CFH: variants seen among roughly 807,000 people sequenced by gnomAD.
CFH encodes complement factor H.
In CFH, 53 loss-of-function variants were observed where a neutral mutation model predicts 147.3. The ratio of observed to expected loss-of-function variants is 0.36; its 90% CI spans 0.29 to 0.45. The LOEUF (loss-of-function observed/expected upper bound fraction) is 0.45, where lower values mean the gene tolerates loss of function less well. Ranked by LOEUF, CFH falls within the 20% of genes least tolerant of loss-of-function variation. CFH has a pLI of 1.00. For missense variants in CFH, 1,380 were observed against 1,498.0 expected (o/e 0.92, Z 1.30); for synonymous variants, 536 against 489.4 (o/e 1.10, Z -1.26).
Position 196,677,517 on chromosome 1 carries a change from A to T in CFH, c.469A>T (p.Ile157Phe). The T allele has an allele frequency of 6.2e-7, 1 of 1,613,206 alleles. No homozygotes were observed. The change falls in exon 5 of 22, where the codon ATT (isoleucine) becomes TTT (phenylalanine). Residue 157 changes from isoleucine to phenylalanine, a missense_variant. Ile to Phe is a conservative substitution (Grantham distance 21). Around this residue, in one of 4 missense-constraint regions of CFH, gnomAD observed 260 missense variants for 263.3 expected, o/e 0.99. Coordinates refer to ENST00000367429, the MANE Select transcript of CFH (RefSeq NM_000186.4). ...LPVTAPENGK[I>F]VSSAMEPDRE... ...AGTGACAGCACCAGAGAATGGAAAA[A>T]TTGTCAGTAGTGCAATGGAACCAGA...
At chr1:196,717,732 G>A (rs1268480829) in intron 11 of CFH, among the ~76,000 whole-genome samples, 1 of 152,080 alleles carries the variant, frequency 6.6e-6, no homozygotes, top group Admixed American at 6.6e-5. Flanking sequence ...TACAGCAAAA[G>A]GGGAGCTGCA....
intron 1 of CFH, among the ~76,000 whole-genome samples, chr1:196,671,363 T>C: frequency 6.6e-6 from 1 of 152,068 alleles, no homozygotes; most frequent in Non-Finnish European, 1.5e-5. Flanking sequence ...TTCAAAATCG[T>C]ATTTTTAAAC....
intron 21 of CFH, among the ~76,000 whole-genome samples, chr1:196,746,371 A>T (rs963559497): frequency 3.9e-5 from 6 of 152,210 alleles, no homozygotes; most frequent in African/African-American, 1.4e-4. Context: ...AAATGGCGGG[A>T]ACCCGGGAGG....
At chr1:196,684,363 A>C (rs889763734) in intron 6 of CFH, among the ~76,000 whole-genome samples, 3 of 152,024 alleles carry the variant, frequency 2.0e-5, no homozygotes, top group Admixed American at 1.3e-4. Flanking sequence ...CTATTATAGT[A>C]AGAAAAATGT....
At chr1:196,733,150 C>T (rs541273152) in intron 15 of CFH, among the ~76,000 whole-genome samples, 14 of 151,940 alleles carry the variant, frequency 9.2e-5, no homozygotes, top group African/African-American at 2.2e-4. Flanking sequence ...ATCATTGGGG[C>T]GAGACTCATG....
Position 196,745,810 on chromosome 1 carries a change from T to G in CFH, c.3311-7T>G, listed in dbSNP as rs371364024. 2.2e-5 allele frequency: 35 copies of G among 1,613,940 alleles called. No individual in the cohort carries two copies. Among genetic ancestry groups the G allele is most frequent in the African/African-American group, 5.3e-5 (4 of 74,914 alleles). ...AACAAATCAAGTGATGAAATGATGT[T>G]TTTTAGATTCTACAGGAAAATGTGG... is the stretch of plus-strand genomic sequence containing the variant. On this transcript the variant is annotated splice_polypyrimidine_tract_variant and splice_region_variant and intron_variant, in intron 20 of 21. Transcript: ENST00000367429.
chr1:196,655,996 AATAG>A (rs1473606550), intron 1 of CFH, among the ~76,000 whole-genome samples: 1 of 152,200 alleles, frequency 6.6e-6, no homozygotes, highest in Non-Finnish European at 1.5e-5. Context: ...CTGGAAATGT[AATAG>A]ATAGAAAAGT....
At chr1:196,724,264 G>A (rs565302221) in intron 11 of CFH, among the ~76,000 whole-genome samples, 34 of 152,024 alleles carry the variant, frequency 2.2e-4, no homozygotes, top group South Asian at 1.3e-3. Flanking sequence ...ATATTTGTGC[G>A]GCTCTGGTGT....
intron 9 of CFH, among the ~76,000 whole-genome samples, chr1:196,697,711 T>A (rs1163015519): frequency 6.6e-6 from 1 of 152,048 alleles, no homozygotes; most frequent in East Asian, 1.9e-4. Context: ...TACACGTATG[T>A]TTATTGCGGC....
chr1:196,706,707 A>G (rs1243178066), intron 9 of CFH, among the ~76,000 whole-genome samples: 3 of 152,128 alleles, frequency 2.0e-5, no homozygotes, highest in Admixed American at 2.0e-4. Context: ...TTGATCCAGG[A>G]CTATGTCTTT....
In CFH at chr1:196,737,007, G is replaced by C. The variant is rs1160365967; in HGVS notation, c.2596+1G>C. 18 of 1,606,810 alleles carry C rather than the reference G, an allele frequency of 1.1e-5. No homozygotes were observed. Among genetic ancestry groups the C allele is most frequent in the Non-Finnish European group, 1.4e-5 (16 of 1,174,850 alleles). On this transcript the variant is annotated splice_donor_variant, in intron 16 of 21. Transcript: ENST00000367429. LOFTEE classifies it high-confidence loss of function. ...TGGCAGTCAATACCACTCTGTGTTGGTCAGTAGTGTATAATTTGTTTTACA... is the reference window on the plus strand; with the variant it reads ...TGGCAGTCAATACCACTCTGTGTTGCTCAGTAGTGTATAATTTGTTTTACA...
intron 19 of CFH, 48 bp from the exon 20 acceptor site, chr1:196,743,404 T>C (rs765516449): frequency 2.4e-5 from 39 of 1,608,336 alleles, no homozygotes; most frequent in Non-Finnish European, 3.1e-5. Flanking sequence ...GTTGATTTGC[T>C]ACTCAAAATG....
chr1:196,688,439 C>G (rs1457221166), intron 7 of CFH, among the ~76,000 whole-genome samples: 4 of 152,026 alleles, frequency 2.6e-5, no homozygotes, highest in Admixed American at 1.3e-4. Flanking sequence ...AGAAATATTT[C>G]TAGTCTGTTT....
intron 11 of CFH, among the ~76,000 whole-genome samples, chr1:196,723,414 G>A (rs1669050666): frequency 6.6e-6 from 1 of 152,074 alleles, no homozygotes; most frequent in African/African-American, 2.4e-5. Context: ...GGTGTATGAC[G>A]AGGCTTACTG....
intron 6 of CFH, among the ~76,000 whole-genome samples, chr1:196,682,702 T>C (rs3766404): frequency 0.22 from 32,643 of 151,462 alleles, 4,695 homozygotes; most frequent in African/African-American, 0.4. Context: ...ATTTAGGACT[T>C]ATTTGAAGTT....
chr1:196,741,880 G>C lies in CFH; in HGVS notation c.2962G>C (p.Asp988His). 6.2e-7 allele frequency: 1 copy of C among 1,614,056 alleles called. No individual in the cohort carries two copies. Among genetic ancestry groups the C allele is most frequent in the Non-Finnish European group, 8.5e-7 (1 of 1,179,964 alleles). The change falls in exon 19 of 22, where the codon GAT (aspartate) becomes CAT (histidine). Residue 988 changes from aspartate to histidine, a missense_variant. This residue lies in a region of CFH where 830 missense variants were observed against 821.4 expected (regional missense o/e 1.01). Transcript: ENST00000367429. ...WSHPPSCIKT[D>H]CLSLPSFENA... Reference sequence around the variant, plus strand: ...ACATATTTTTCCTATTTCAGAAACAGATTGTCTCAGTTTACCTAGCTTTGA... The same window carrying C: ...ACATATTTTTCCTATTTCAGAAACACATTGTCTCAGTTTACCTAGCTTTGA...
intron 3 of CFH, among the ~76,000 whole-genome samples, 155 bp downstream of exon 3, chr1:196,674,117 T>C: frequency 6.6e-6 from 1 of 152,158 alleles, no homozygotes; most frequent in African/African-American, 2.4e-5. Flanking sequence ...AATAATTAAA[T>C]CTGGATACCA....
chr1:196,731,575 T>C (rs1669281142), intron 15 of CFH, among the ~76,000 whole-genome samples: 1 of 152,046 alleles, frequency 6.6e-6, no homozygotes, highest in Non-Finnish European at 1.5e-5. Context: ...ATATTGTGCT[T>C]ACTTTTACTA....
At chr1:196,678,695 T>C (rs1667541212) in intron 5 of CFH, 1 of 151,872 alleles carries the variant, frequency 6.6e-6, no homozygotes, top group African/African-American at 2.4e-5. Context: ...TACGATTAAG[T>C]CTTAAAGAAA....
Sources: gnomAD v4.1 joint callset for allele counts (sites outside exome capture counted in the v4.1 genomes callset) on GRCh38, gnomAD v4.1.1 for gene constraint, gnomAD v4.1.1 regional missense constraint, MANE v1.5 for transcripts, NCBI Gene and HGNC (gene_info 2026-07-23, HGNC 2026-07-21) for gene names.